SH3YL1: variants seen among roughly 807,000 people sequenced by gnomAD.
The protein encoded by SH3YL1 is SH3 and SYLF domain containing 1, also known as SH3 domain-containing YSC84-like protein 1.
In SH3YL1, 41 loss-of-function variants were observed where a neutral mutation model predicts 45.8. That is an observed-to-expected ratio of 0.89 (90% CI 0.70 to 1.16). The LOEUF (loss-of-function observed/expected upper bound fraction) is 1.16. Ranked by LOEUF, SH3YL1 falls within the 50% of genes most tolerant of loss-of-function variation. SH3YL1 has a pLI of 0.00. For missense variants in SH3YL1, 389 were observed against 409.6 expected (o/e 0.95, Z 0.43); for synonymous variants, 152 against 151.4 (o/e 1.00, Z -0.03).
At chr2:235,024 C>T (rs893933464) in intron 4 of SH3YL1, among the ~76,000 whole-genome samples, 3 of 152,140 alleles carry the variant, frequency 2.0e-5, no homozygotes, top group South Asian at 2.1e-4. Context: ...ATTACAGGCA[C>T]GTCACCATGT....
intron 1 of SH3YL1, among the ~76,000 whole-genome samples, chr2:258,082 A>G (rs1669432435): frequency 6.6e-6 from 1 of 152,234 alleles, no homozygotes; most frequent in Admixed American, 6.5e-5. Context: ...GAAGTCGGGT[A>G]GCATGATTCC....
chr2:252,778 A>T (rs1669127267), intron 2 of SH3YL1, among the ~76,000 whole-genome samples: 1 of 152,198 alleles, frequency 6.6e-6, no homozygotes, highest in African/African-American at 2.4e-5. Flanking sequence ...GAAACAAGTT[A>T]TGCTGTGAAC....
At chr2:251,452 G>GC (rs1488949799) in intron 2 of SH3YL1, among the ~76,000 whole-genome samples, 1 of 152,180 alleles carries the variant, frequency 6.6e-6, no homozygotes, top group East Asian at 1.9e-4. Context: ...TTCCATCGTT[G>GC]CCACACCCAT....
intron 8 of SH3YL1, among the ~76,000 whole-genome samples, chr2:225,133 C>T (rs1257998205): frequency 6.6e-6 from 1 of 152,188 alleles, no homozygotes; most frequent in Non-Finnish European, 1.5e-5. Context: ...AAATACCTGA[C>T]ATCTGTATGA....
At chr2:228,571 G>A (rs898944876) in intron 8 of SH3YL1, among the ~76,000 whole-genome samples, 1 of 151,868 alleles carries the variant, frequency 6.6e-6, no homozygotes, top group Non-Finnish European at 1.5e-5. Flanking sequence ...CATACATATG[G>A]GTCAAATTCT....
intron 4 of SH3YL1, chr2:242,726 C>A: frequency 7.1e-7 from 1 of 1,403,464 alleles, no homozygotes; most frequent in South Asian, 1.5e-5. Flanking sequence ...ATGGATAAAA[C>A]AACAATAACA....
chr2:244,353 G>A (rs1014067423), intron 4 of SH3YL1, among the ~76,000 whole-genome samples: 3 of 152,058 alleles, frequency 2.0e-5, no homozygotes, highest in Non-Finnish European at 4.4e-5. Context: ...AAAATTAGCC[G>A]AGCATGGTGG....
chr2:249,624 G>A (rs909050063), intron 3 of SH3YL1, 107 bp downstream of exon 3: 3 of 790,938 alleles, frequency 3.8e-6, no homozygotes, highest in Non-Finnish European at 6.2e-6. Context: ...ATAAGTTTTA[G>A]TTGATATGCA....
intron 4 of SH3YL1, among the ~76,000 whole-genome samples, chr2:242,573 A>G (rs1263500819): frequency 6.6e-6 from 1 of 152,188 alleles, no homozygotes; most frequent in Admixed American, 6.5e-5. Context: ...CACTTAATTG[A>G]AAACAGTAAA....
chr2:250,440 GATAAT>G (rs2103048667), intron 2 of SH3YL1, among the ~76,000 whole-genome samples: 1 of 152,204 alleles, frequency 6.6e-6, no homozygotes, highest in East Asian at 1.9e-4. Context: ...TTAGTACACT[GATAAT>G]ATAATTCCAT....
intron 5 of SH3YL1, 127 bp downstream of exon 5, chr2:234,033 T>A: frequency 1.5e-6 from 1 of 688,074 alleles, no homozygotes; most frequent in Non-Finnish European, 2.4e-6. Flanking sequence ...TGACCTCAAA[T>A]CTTTCGGGCA....
chr2:250,562 C>A (rs140264821), intron 2 of SH3YL1, among the ~76,000 whole-genome samples: 1 of 152,092 alleles, frequency 6.6e-6, no homozygotes, highest in Non-Finnish European at 1.5e-5. Context: ...TGTGAATTTA[C>A]GACACAATAA....
chr2:261,276 A>G (rs1669580213), intron 1 of SH3YL1: 1 of 152,222 alleles, frequency 6.6e-6, no homozygotes, highest in Non-Finnish European at 1.5e-5. Flanking sequence ...CTGATGTCCC[A>G]TTCTATCATA....
chr2:228,565 C>T (rs1667886612), intron 8 of SH3YL1, among the ~76,000 whole-genome samples: 1 of 152,140 alleles, frequency 6.6e-6, no homozygotes, highest in Non-Finnish European at 1.5e-5. Context: ...TTAAAACATA[C>T]ATATGGGTCA....
chr2:228,376 C>T (rs1667876752), intron 8 of SH3YL1, among the ~76,000 whole-genome samples: 1 of 152,212 alleles, frequency 6.6e-6, no homozygotes, highest in Non-Finnish European at 1.5e-5. Flanking sequence ...ATGGCAGAAA[C>T]AACCTTCAGA....
intron 7 of SH3YL1, 44 bp from the exon 8 acceptor site, chr2:230,088 G>A (rs1667967405): frequency 6.8e-7 from 1 of 1,476,340 alleles, no homozygotes; most frequent in Non-Finnish European, 9.3e-7. Context: ...TTAAAATCTT[G>A]TTTTTACTTA....
At chr2:234,335 T>C in intron 4 of SH3YL1, 63 bp from the exon 5 acceptor site, 4 of 1,273,960 alleles carry the variant, frequency 3.1e-6, no homozygotes, top group Non-Finnish European at 3.4e-6. Flanking sequence ...AAAATTCATC[T>C]TGACTAACAC....
intron 2 of SH3YL1, 23 bp downstream of exon 2, chr2:252,982 C>G (rs1239350456): frequency 7.4e-7 from 1 of 1,350,390 alleles, no homozygotes; most frequent in East Asian, 2.5e-5. Flanking sequence ...TAGAGACAAA[C>G]AGCACTCATC....
At chr2:249,170 G>A (rs1315626194) in intron 3 of SH3YL1, among the ~76,000 whole-genome samples, 1 of 152,062 alleles carries the variant, frequency 6.6e-6, no homozygotes, top group African/African-American at 2.4e-5. Flanking sequence ...TTAGTACTTG[G>A]GATTCATGGC....
Sources: gnomAD v4.1 joint callset for allele counts (sites outside exome capture counted in the v4.1 genomes callset) on GRCh38, gnomAD v4.1.1 for gene constraint, MANE v1.5 for transcripts, NCBI Gene and HGNC (gene_info 2026-07-23, HGNC 2026-07-21) for gene names.